The following OSBPL2 variants were observed in gnomAD, a reference collection of about 807,000 sequenced individuals.
OSBPL2 encodes the protein oxysterol-binding protein-related protein 2.
A neutral mutation model predicts 58.4 loss-of-function variants in OSBPL2; 18 were observed. That is an observed-to-expected ratio of 0.31 (90% confidence interval 0.21 to 0.46). OSBPL2 has a LOEUF of 0.46. Among genes scored for constraint, OSBPL2 ranks in the 20% least tolerant of loss-of-function variants. The pLI is 1.00. For synonymous variants in OSBPL2, 221 were observed against 234.1 expected (o/e 0.94, Z 0.51); for missense variants, 461 against 616.5 (o/e 0.75, Z 2.67).
chr20:62,289,247 T>C lies in OSBPL2; in HGVS notation c.1166T>C (p.Leu389Pro). 6.2e-7 allele frequency: 1 copy of C among 1,613,884 alleles called. No homozygotes were observed. The highest frequency in any genetic ancestry group is 2.2e-5 in the East Asian group (1 of 44,884). ...AGTTTCACTGTGAGCCTCAACGAGC[T>C]GGAGACAGGCATGGAGAAGACCCTG... ...FTSFTVSLNE[L>P]ETGMEKTLPP... Residue 389 changes from leucine to proline, a missense_variant, in exon 12 of 14, where the codon CTG becomes CCG. Around this residue, in one of 5 missense-constraint regions of OSBPL2, gnomAD observed 319 missense variants for 419.2 expected, o/e 0.76. Coordinates refer to ENST00000313733, the MANE Select transcript of OSBPL2 (RefSeq NM_144498.4).
chr20:62,296,140 CTATTGAA>C lies in OSBPL2; in HGVS notation c.*2255_*2261del, dbSNP rs1983844198. On this transcript the variant is annotated 3_prime_UTR_variant, in exon 14 of 14. Coordinates refer to ENST00000313733, the MANE Select transcript of OSBPL2 (RefSeq NM_144498.4). ...ACCTAACTTTTGTCACCTTGGATAT[CTATTGAA>C]TGTTAAACATCTCTAATAAAGATGG... The C allele has an allele frequency of 6.6e-6, 1 of 152,238 alleles. No individual in the cohort carries two copies. The highest frequency in any genetic ancestry group is 6.5e-5 in the Admixed American group (1 of 15,286). 9.4% of individuals were successfully genotyped at this position (152,238 alleles called of 1,614,324 possible).
chr20:62,276,028 C>T (rs892711845), intron 6 of OSBPL2, among the ~76,000 whole-genome samples: 5 of 151,768 alleles, frequency 3.3e-5, no homozygotes, highest in Admixed American at 1.3e-4. Flanking sequence ...CCTGATTCTC[C>T]GCCTCAGCTT....
Position 62,260,219 on chromosome 20 carries a change from C to G in OSBPL2, c.182+94C>G, listed in dbSNP as rs192533429. 5.7e-6 allele frequency: 7 copies of G among 1,222,768 alleles called. No individual in the cohort carries two copies. The Admixed American group carries it at 6.2e-5, about 11-fold the overall frequency. The allele number at this position is 1,222,768 out of a possible 1,614,324, so 75.7% of individuals were successfully genotyped here. A position where few individuals can be genotyped will look rare whatever the true frequency, so the allele number is the denominator to read the frequency against. ...CCCCTCAGCCCTCACGAGCATTGAG[C>G]TGGAGTGGCACCCCCACAGCTGTCT... On this transcript the variant is annotated intron_variant, in intron 3 of 13. Coordinates refer to ENST00000313733, the MANE Select transcript of OSBPL2 (RefSeq NM_144498.4).
intron 1 of OSBPL2, among the ~76,000 whole-genome samples, chr20:62,247,838 T>C (rs1490275663): frequency 1.3e-5 from 2 of 152,038 alleles, no homozygotes; most frequent in Non-Finnish European, 2.9e-5. Flanking sequence ...CTAATTTTTG[T>C]ATTTTTAGTA....
intron 2 of OSBPL2, among the ~76,000 whole-genome samples, chr20:62,258,336 T>C (rs1193684850): frequency 2.6e-5 from 4 of 152,222 alleles, no homozygotes; most frequent in Admixed American, 1.3e-4. Context: ...ATAATACTCA[T>C]CTGACTTTGT....
intron 4 of OSBPL2, among the ~76,000 whole-genome samples, chr20:62,266,295 A>G (rs1981653218): frequency 1.3e-5 from 2 of 152,194 alleles, no homozygotes; most frequent in African/African-American, 4.8e-5. Context: ...CTTGTGGGGC[A>G]GCTCCACCCC....
At chr20:62,271,420 A>C (rs1191627719) in intron 4 of OSBPL2, among the ~76,000 whole-genome samples, 3 of 152,056 alleles carry the variant, frequency 2.0e-5, no homozygotes, top group Non-Finnish European at 4.4e-5. Context: ...GACTATTTTT[A>C]ACGGCGTGGG....
At chr20:62,284,531 C>T (rs1568850581) in intron 10 of OSBPL2, 5 of 213,448 alleles carry the variant, frequency 2.3e-5, no homozygotes, top group Non-Finnish European at 4.8e-5. Context: ...CATGTACCAC[C>T]ATGCCTGACT....
chr20:62,262,381 C>G (rs1981377023), intron 3 of OSBPL2, among the ~76,000 whole-genome samples: 1 of 152,194 alleles, frequency 6.6e-6, no homozygotes, highest in African/African-American at 2.4e-5. Flanking sequence ...CCTCTTTTCT[C>G]TTCTTTCATG....
intron 4 of OSBPL2, among the ~76,000 whole-genome samples, chr20:62,270,227 A>G (rs1981969227): frequency 6.6e-6 from 1 of 152,080 alleles, no homozygotes; most frequent in Admixed American, 6.5e-5. Flanking sequence ...TTAGCAGCTC[A>G]TGTGTGTGTC....
chr20:62,258,377 C>T (rs532236536), intron 2 of OSBPL2, among the ~76,000 whole-genome samples: 1 of 152,266 alleles, frequency 6.6e-6, no homozygotes, highest in Non-Finnish European at 1.5e-5. Context: ...GTAAACTAAG[C>T]AGTTATTAAA....
chr20:62,259,896 G>C (rs1189198542), intron 2 of OSBPL2, 85 bp from the exon 3 acceptor site: 1 of 1,260,010 alleles, frequency 7.9e-7, no homozygotes. Context: ...GTAGTCACCT[G>C]CTTGCATAGT....
At chr20:62,250,836 G>A (rs1179255826) in intron 1 of OSBPL2, among the ~76,000 whole-genome samples, 3 of 152,214 alleles carry the variant, frequency 2.0e-5, no homozygotes, top group Non-Finnish European at 4.4e-5. Flanking sequence ...GGGGTGGAAG[G>A]ATGGCTTGGG....
At position 62,293,913 on chromosome 20, in the gene OSBPL2, G is replaced by A. The variant is rs756841570; in HGVS notation, c.*26G>A. 1 of 1,608,544 alleles carries A rather than the reference G, an allele frequency of 6.2e-7. No individual in the cohort carries two copies. The highest frequency in any genetic ancestry group is 8.5e-7 in the Non-Finnish European group (1 of 1,178,104). ...GGGCCTGGAGGGGCCTGGGGCCCGG[G>A]ACCGGAGGCTGACGAGGCTGGACTT... On this transcript the variant is annotated 3_prime_UTR_variant, in exon 14 of 14. Coordinates refer to ENST00000313733, the MANE Select transcript of OSBPL2 (RefSeq NM_144498.4).
intron 12 of OSBPL2, 115 bp from the exon 13 acceptor site, chr20:62,291,588 T>C (rs940415475): frequency 4.5e-5 from 39 of 873,600 alleles, no homozygotes; most frequent in Non-Finnish European, 6.4e-5. Flanking sequence ...GAACCTGTTG[T>C]CTGTGGCATT....
rs535778534 is a variant in OSBPL2, at chr20:62,253,119, C to G, written c.-128-2938C>G. Reference sequence around the variant, plus strand: ...TCTCTCCCCGGGAGGCACCCAAGGCCGTCTCTCGGGGTTCAGTGCCTGGAT... The same window carrying G: ...TCTCTCCCCGGGAGGCACCCAAGGCGGTCTCTCGGGGTTCAGTGCCTGGAT... On this transcript the variant is annotated intron_variant, in intron 1 of 13. Coordinates refer to ENST00000313733, the MANE Select transcript of OSBPL2 (RefSeq NM_144498.4). Among the ~76,000 whole-genome samples the G allele has an allele frequency of 3.5e-3, 527 of 152,360 alleles. 3 individuals carry two copies. Among genetic ancestry groups the G allele is most frequent in the Middle Eastern group, 6.8e-3 (2 of 294 alleles).
chr20:62,248,960 G>C lies in OSBPL2; in HGVS notation c.-128-7097G>C, dbSNP rs184962651. Among the ~76,000 whole-genome samples, 483 of 152,242 alleles carry C rather than the reference G, an allele frequency of 3.2e-3. 2 individuals are homozygous for C. The highest frequency in any genetic ancestry group is 0.011 in the African/African-American group (471 of 41,536). On this transcript the variant is annotated intron_variant, in intron 1 of 13. Transcript: ENST00000313733. ...GCCATCTGCCACCTTGGCTTCCCAAGGTATTGGGGTTATAGATGTGAGCCA... is the reference window on the plus strand; with the variant it reads ...GCCATCTGCCACCTTGGCTTCCCAACGTATTGGGGTTATAGATGTGAGCCA...
rs1983119597 is a variant in OSBPL2 at position 62,286,357 on chromosome 20, G to A, written c.997-226G>A. The A allele has an allele frequency of 4.0e-5, 17 of 428,222 alleles. No homozygotes were observed. In the South Asian group the frequency reaches 4.8e-4, roughly 12 times the overall value. The allele number at this position is 428,222 out of a possible 1,614,324, so 26.5% of individuals were successfully genotyped here. A position where few individuals can be genotyped will look rare whatever the true frequency, so the allele number is the denominator to read the frequency against. On this transcript the variant is annotated intron_variant, in intron 10 of 13. Coordinates refer to ENST00000313733, the MANE Select transcript of OSBPL2 (RefSeq NM_144498.4). ...TCCAGCTACTCGGGAGGCTGAGGCA[G>A]GAGAATCTCTTGAACTCAGGAGGCA... is the stretch of plus-strand genomic sequence containing the variant.
At chr20:62,263,059 C>T (rs1981421607) in intron 3 of OSBPL2, among the ~76,000 whole-genome samples, 1 of 152,116 alleles carries the variant, frequency 6.6e-6, no homozygotes, top group Non-Finnish European at 1.5e-5. Context: ...TCAGTGGTCC[C>T]GGTTGATGAG....
Sources: allele counts gnomAD v4.1 joint callset (sites outside exome capture counted in the v4.1 genomes callset), GRCh38; gene constraint gnomAD v4.1.1; regional missense constraint gnomAD v4.1.1; transcripts MANE v1.5; gene names NCBI Gene and HGNC (gene_info 2026-07-23, HGNC 2026-07-21).